LARP4B: variants seen among roughly 807,000 people sequenced by gnomAD.
LARP4B encodes La ribonucleoprotein 4B, also known as la-related protein 4B.
Under a neutral mutation model 89.8 loss-of-function variants are expected in LARP4B, and 12 were observed. The ratio of observed to expected loss-of-function variants is 0.13; its 90% CI spans 0.09 to 0.22. LARP4B has a LOEUF of 0.22. Among genes scored for constraint, LARP4B ranks in the 10% least tolerant of loss-of-function variants. LARP4B has a pLI of 1.00. For missense variants in LARP4B, 757 were observed against 947.7 expected (o/e 0.80, Z 2.64); for synonymous variants, 367 against 363.3 (o/e 1.01, Z -0.12).
At chr10:835,086 C>G (rs1433152623) in intron 8 of LARP4B, among the ~76,000 whole-genome samples, 2 of 150,758 alleles carry the variant, frequency 1.3e-5, no homozygotes, top group Non-Finnish European at 3.0e-5. Flanking sequence ...CCTTCATATT[C>G]AGACCCTTAA....
At chr10:843,976 T>C (rs925813156) in intron 6 of LARP4B, among the ~76,000 whole-genome samples, 1 of 152,230 alleles carries the variant, frequency 6.6e-6, no homozygotes, top group African/African-American at 2.4e-5. Flanking sequence ...CAAAGATCAA[T>C]GTTTCCTGTG....
Position 812,850 on chromosome 10 carries a change from G to T in LARP4B, c.*76C>A. On this transcript the variant is annotated 3_prime_UTR_variant, in exon 18 of 18. Coordinates refer to ENST00000316157, the MANE Select transcript of LARP4B (RefSeq NM_015155.3). ...ACTGCAAGCTCCTAACCAGCGGCTCGCCCTCGCACTGAGTGGGAGAGTGTC... is the reference window on the plus strand; with the variant it reads ...ACTGCAAGCTCCTAACCAGCGGCTCTCCCTCGCACTGAGTGGGAGAGTGTC... 3 of 1,309,912 alleles carry T rather than the reference G, an allele frequency of 2.3e-6. No individual in the cohort carries two copies. In the Middle Eastern group the frequency reaches 8.7e-4, roughly 378 times the overall value. The allele number at this position is 1,309,912 out of a possible 1,614,324, so 81.1% of individuals were successfully genotyped here. A position where few individuals can be genotyped will look rare whatever the true frequency, so the allele number is the denominator to read the frequency against.
the LARP4B span, among the ~76,000 whole-genome samples, chr10:976,072 C>T: frequency 3.0e-3 from 128 of 42,452 alleles, 1 homozygote; most frequent in African/African-American, 5.8e-3. Flanking sequence ...AAGCCTGTCG[C>T]GTAACGTGTG....
chr10:881,917 T>C (rs974788608), intron 3 of LARP4B, among the ~76,000 whole-genome samples: 1 of 152,182 alleles, frequency 6.6e-6, no homozygotes, highest in Admixed American at 6.5e-5. Context: ...CATGATCACT[T>C]GCACTCAGTT....
At position 825,246 on chromosome 10, in the gene LARP4B, G is replaced by A; in HGVS notation, c.1303C>T (p.Pro435Ser). 6.2e-7 allele frequency: 1 copy of A among 1,614,088 alleles called. No individual in the cohort carries two copies. Among genetic ancestry groups the A allele is most frequent in the Non-Finnish European group, 8.5e-7 (1 of 1,179,998 alleles). The change falls in exon 13 of 18, where the codon CCT becomes TCT. Residue 435 changes from proline to serine, a missense_variant. By Grantham distance (74) the Pro-to-Ser change is moderately conservative (BLOSUM62 -1). Coordinates refer to ENST00000316157, the MANE Select transcript of LARP4B (RefSeq NM_015155.3). Reference sequence around the variant, plus strand: ...TCTGCAGTGAAGTTAAATATTGAAGGACTTTCTAATAACCCAGGTCCCCTC... The same window carrying A: ...TCTGCAGTGAAGTTAAATATTGAAGAACTTTCTAATAACCCAGGTCCCCTC... ...AERGPGLLES[P>S]SIFNFTADRL...
chr10:821,590 C>T (rs1356426250), intron 13 of LARP4B, among the ~76,000 whole-genome samples: 1 of 152,258 alleles, frequency 6.6e-6, no homozygotes, highest in East Asian at 1.9e-4. Flanking sequence ...GACACACATT[C>T]ATCTCAATGG....
chr10:850,408 G>A (rs1433954620), intron 5 of LARP4B, among the ~76,000 whole-genome samples: 2 of 152,202 alleles, frequency 1.3e-5, no homozygotes, highest in East Asian at 3.9e-4. Context: ...TAAATTGAGA[G>A]CAAAGACTAT....
intron 3 of LARP4B, among the ~76,000 whole-genome samples, chr10:874,143 A>G (rs750014471): frequency 6.6e-6 from 1 of 152,188 alleles, no homozygotes; most frequent in Non-Finnish European, 1.5e-5. Context: ...CTGAGGCAGG[A>G]GAATCACTTG....
intron 1 of LARP4B, among the ~76,000 whole-genome samples, chr10:898,785 T>C (rs1337639600): frequency 6.6e-6 from 1 of 152,230 alleles, no homozygotes; most frequent in Non-Finnish European, 1.5e-5. Flanking sequence ...GTTAATTAGG[T>C]TCCATGCCTA....
At chr10:838,637 A>G (rs1833357222) in intron 7 of LARP4B, among the ~76,000 whole-genome samples, 1 of 152,192 alleles carries the variant, frequency 6.6e-6, no homozygotes, top group Non-Finnish European at 1.5e-5. Flanking sequence ...ATGTGGAGCA[A>G]GAGGAACTCC....
rs1323283706 is a variant in LARP4B at position 863,828 on chromosome 10, G to A, written c.345C>T (p.Asp115=). 6.8e-6 allele frequency: 11 copies of A among 1,614,026 alleles called. No individual in the cohort carries two copies. Among genetic ancestry groups the A allele is most frequent in the Non-Finnish European group, 9.3e-6 (11 of 1,180,024 alleles). Residue 115 remains aspartate (D), a synonymous_variant, in exon 5 of 18, where the codon GAC becomes GAT. Coordinates refer to ENST00000316157, the MANE Select transcript of LARP4B (RefSeq NM_015155.3). ...TGTCTGCTGGGTCCGACTCCTGCGG[G>A]TCTGGCAATGCGGCATTCTCATGGC... ...DQGHENAALP[D]PQESDPADMN...
At chr10:855,483 AAGAG>A (rs775771701) in intron 5 of LARP4B, among the ~76,000 whole-genome samples, 8 of 151,964 alleles carry the variant, frequency 5.3e-5, no homozygotes, top group African/African-American at 1.2e-4. Flanking sequence ...GGCCCAAGCA[AAGAG>A]AGAGAGAGAC....
chr10:950,222 C>A, the LARP4B span, among the ~76,000 whole-genome samples: 1 of 152,122 alleles, frequency 6.6e-6, no homozygotes, highest in Non-Finnish European at 1.5e-5. Context: ...TAGCCTTTTG[C>A]GGAGCAAAAG....
the LARP4B span, among the ~76,000 whole-genome samples, chr10:978,439 G>A: frequency 6.6e-6 from 1 of 152,084 alleles, no homozygotes. Context: ...CATATTATTT[G>A]TGGTTTTTCC....
intron 7 of LARP4B, among the ~76,000 whole-genome samples, chr10:842,199 ATT>A (rs35178357): frequency 6.2e-5 from 9 of 144,518 alleles, no homozygotes; most frequent in Admixed American, 2.1e-4. Context: ...TCACAACATA[ATT>A]TTTTTTTTTT....
At chr10:825,645 G>C (rs1284467708) in intron 12 of LARP4B, 119 bp downstream of exon 12, 1 of 683,890 alleles carries the variant, frequency 1.5e-6, no homozygotes, top group Non-Finnish European at 2.5e-6. Flanking sequence ...GAATGCAGCT[G>C]TGTGCTTCAG....
At chr10:888,812 C>G (rs1835935760) in intron 1 of LARP4B, among the ~76,000 whole-genome samples, 1 of 152,180 alleles carries the variant, frequency 6.6e-6, no homozygotes, top group Non-Finnish European at 1.5e-5. Flanking sequence ...TACGGCAGGG[C>G]GCAGTGGCTC....
the LARP4B span, chr10:942,042 A>C: frequency 6.6e-6 from 1 of 152,246 alleles, no homozygotes; most frequent in African/African-American, 2.4e-5. Flanking sequence ...GCCACTGTTC[A>C]GAAACATTCT....
At chr10:945,620 G>A in the LARP4B span, among the ~76,000 whole-genome samples, 6 of 150,970 alleles carry the variant, frequency 4.0e-5, no homozygotes, top group Non-Finnish European at 7.4e-5. Flanking sequence ...CCCGGGAGGC[G>A]GAGCTTGCAG....
Sources: allele counts gnomAD v4.1 joint callset (sites outside exome capture counted in the v4.1 genomes callset), GRCh38; gene constraint gnomAD v4.1.1; transcripts MANE v1.5; gene names NCBI Gene and HGNC (gene_info 2026-07-23, HGNC 2026-07-21).